PXDN: variants seen among roughly 807,000 people sequenced by gnomAD.
PXDN encodes peroxidasin.
In PXDN, 77 loss-of-function variants were observed where a neutral mutation model predicts 140.3. That is an observed-to-expected ratio of 0.55 (90% CI 0.46 to 0.66). PXDN has a LOEUF of 0.66. Among genes scored for constraint, PXDN ranks in the 30% least tolerant of loss-of-function variants. The pLI is 0.00. For synonymous variants in PXDN, 911 were observed against 857.4 expected (o/e 1.06, Z -1.09); for missense variants, 1,838 against 2,039.5 (o/e 0.90, Z 1.90).
At chr2:1,744,136 C>T (rs1293706436) in intron 1 of PXDN, 120 bp downstream of exon 1, 5 of 1,057,120 alleles carry the variant, frequency 4.7e-6, no homozygotes, top group South Asian at 2.4e-5. Flanking sequence ...AGTCCCCAGG[C>T]CCCCCGCGCG....
chr2:1,708,334 A>T (rs778902702), intron 1 of PXDN, among the ~76,000 whole-genome samples: 1 of 152,192 alleles, frequency 6.6e-6, no homozygotes. Flanking sequence ...TCGCCCTTTC[A>T]TGTTCCAGCA....
chr2:1,663,807 G>A (rs542031934), intron 11 of PXDN, 44 bp from the exon 12 acceptor site: 27 of 1,593,424 alleles, frequency 1.7e-5, no homozygotes, highest in Admixed American at 3.3e-5. Context: ...CGGACGCATG[G>A]AGAACTCCTG....
At position 1,632,232 on chromosome 2, in the gene PXDN, C is replaced by T. The variant is rs1439224248; in HGVS notation, c.*1972G>A. On this transcript the variant is annotated 3_prime_UTR_variant, in exon 23 of 23. Transcript: ENST00000252804. The surrounding 1 kb of genome is among the most constrained non-coding windows in gnomAD (Gnocchi z 4.3). ...ACAATTCCTTGTGACTGGCCCAGAC[C>T]GCACATTACGCAGGTGTGCTACAGG... The T allele has an allele frequency of 2.4e-4, 37 of 152,116 alleles. 1 individual carries two copies. The highest frequency in any genetic ancestry group is 2.4e-3 in the Admixed American group (36 of 15,268). 9.4% of individuals were successfully genotyped at this position (152,116 alleles called of 1,614,324 possible).
chr2:1,736,921 A>T lies in PXDN; in HGVS notation c.200+7335T>A, dbSNP rs183276881. On this transcript the variant is annotated intron_variant, in intron 1 of 22. Transcript: ENST00000252804. ...GTCACTGGTCAAGCCTCTCCTTCTG[A>T]TTTAACTGTAGAACAAAAGACAGAT... Among the ~76,000 whole-genome samples the T allele has an allele frequency of 4.9e-4, 75 of 152,318 alleles. 1 individual carries two copies. Among genetic ancestry groups the T allele is most frequent in the Non-Finnish European group, 2.4e-4 (16 of 68,024 alleles).
chr2:1,636,745 G>A (rs1207424335), intron 21 of PXDN: 2 of 151,392 alleles, frequency 1.3e-5, no homozygotes, highest in African/African-American at 4.9e-5. Flanking sequence ...GGGCCAGAGA[G>A]CACTTAGGGG....
intron 8 of PXDN, 92 bp from the exon 9 acceptor site, chr2:1,673,904 A>C (rs1418322862): frequency 2.1e-6 from 3 of 1,404,744 alleles, no homozygotes; most frequent in Non-Finnish European, 3.0e-6. Flanking sequence ...GCCCTGCAGC[A>C]GGCACAACTT....
intron 1 of PXDN, among the ~76,000 whole-genome samples, chr2:1,708,694 G>A (rs115624806): frequency 1.3e-3 from 204 of 152,196 alleles, no homozygotes; most frequent in African/African-American, 4.4e-3. Context: ...ATGGTGTGAC[G>A]GAACCTCCTC....
intron 16 of PXDN, chr2:1,652,930 C>CTGTGTGTGTGTGTG (rs34590232): frequency 1.2e-4 from 18 of 149,148 alleles, no homozygotes; most frequent in African/African-American, 3.7e-4. Context: ...CCTCCGTGCT[C>CTGTGTGTGTGTGTG]TGTGTGTGTG....
intron 1 of PXDN, among the ~76,000 whole-genome samples, chr2:1,726,378 T>G (rs924295382): frequency 1.5e-5 from 2 of 134,846 alleles, no homozygotes; most frequent in African/African-American, 5.6e-5. Flanking sequence ...AATTTAACAA[T>G]GAGAACACAT....
At chr2:1,680,105 T>G in intron 7 of PXDN, 88 bp downstream of exon 7, 2 of 1,380,052 alleles carry the variant, frequency 1.4e-6, no homozygotes, top group Non-Finnish European at 1.9e-6. Context: ...GGTGTGTGGA[T>G]GTTGTGTGTG....
At chr2:1,677,725 C>A (rs1376755816) in intron 7 of PXDN, among the ~76,000 whole-genome samples, 1 of 152,168 alleles carries the variant, frequency 6.6e-6, no homozygotes, top group Non-Finnish European at 1.5e-5. Flanking sequence ...CAGGGAGCGG[C>A]CTTCTCTAAG....
chr2:1,738,009 G>A (rs1685458585), intron 1 of PXDN, among the ~76,000 whole-genome samples: 1 of 152,178 alleles, frequency 6.6e-6, no homozygotes, highest in Admixed American at 6.5e-5. Context: ...CTGGCAGCAG[G>A]CAGAGTTTAA....
At chr2:1,703,159 AGGG>A (rs1166542041) in intron 1 of PXDN, among the ~76,000 whole-genome samples, 4 of 35,664 alleles carry the variant, frequency 1.1e-4, no homozygotes, top group Non-Finnish European at 1.5e-4. Context: ...CAGGTGAAGG[AGGG>A]ACAACTCCAG....
At chr2:1,731,662 G>C (rs1448943485) in intron 1 of PXDN, among the ~76,000 whole-genome samples, 1 of 152,216 alleles carries the variant, frequency 6.6e-6, no homozygotes, top group Non-Finnish European at 1.5e-5. Flanking sequence ...AGACGAAATG[G>C]AGACAGATCG....
chr2:1,719,834 T>TTGTGTGTGTGTGTG (rs36227356), intron 1 of PXDN, among the ~76,000 whole-genome samples: 1 of 108,268 alleles, frequency 9.2e-6, no homozygotes. Context: ...CATGCGTGCA[T>TTGTGTGTGTGTGTG]TGTGTGTGTG....
In PXDN at chr2:1,744,395, C is replaced by G. The variant is rs1180601770; in HGVS notation, c.61G>C (p.Ala21Pro). 1 of 1,524,618 alleles carries G rather than the reference C, an allele frequency of 6.6e-7. No homozygotes were observed. The highest frequency in any genetic ancestry group is 8.8e-7 in the Non-Finnish European group (1 of 1,142,690). The allele number at this position is 1,524,618 out of a possible 1,614,324, so 94.4% of individuals were successfully genotyped here. The change falls in exon 1 of 23, where the codon GCC (alanine) becomes CCC (proline). Residue 21 changes from alanine (A) to proline (P), a missense_variant. By Grantham distance (27) the Ala-to-Pro change is conservative. This residue lies in a region of PXDN where 231 missense variants were observed against 201.5 expected (regional missense o/e 1.15). Coordinates refer to ENST00000252804, the MANE Select transcript of PXDN (RefSeq NM_012293.3). ...GCCACCACGGCCAGCGTCCCCCAGG[C>G]GCAGAACAGCACGAGCGCCAACAGG... Reference protein sequence around the residue: ...RCLLALVLFCAWGTLAVVAQK... With the variant: ...RCLLALVLFCPWGTLAVVAQK...
chr2:1,743,670 G>A (rs991829998), intron 1 of PXDN, among the ~76,000 whole-genome samples: 7 of 111,652 alleles, frequency 6.3e-5, no homozygotes, highest in Non-Finnish European at 1.3e-4. Context: ...GGGGAAGGGA[G>A]GAGGAGGAGG....
chr2:1,708,041 C>T (rs549040459), intron 1 of PXDN, among the ~76,000 whole-genome samples: 3 of 152,310 alleles, frequency 2.0e-5, no homozygotes, highest in South Asian at 2.1e-4. Flanking sequence ...AAGGGGGGCA[C>T]GCCCAGGCCT....
intron 1 of PXDN, among the ~76,000 whole-genome samples, chr2:1,726,325 A>G (rs1685183274): frequency 6.6e-6 from 1 of 151,478 alleles, no homozygotes. Context: ...AACTATCGCA[A>G]GAACAAAAAA....
Sources: gnomAD v4.1 joint callset for allele counts (sites outside exome capture counted in the v4.1 genomes callset) on GRCh38, gnomAD v4.1.1 for gene constraint, gnomAD v4.1.1 regional missense constraint, Gnocchi (gnomAD v3.1) non-coding constraint, MANE v1.5 for transcripts, NCBI Gene and HGNC (gene_info 2026-07-23, HGNC 2026-07-21) for gene names.